The following OTOG variants were observed in gnomAD, a reference collection of about 807,000 sequenced individuals.
OTOG encodes the protein otogelin.
OTOG carries 296 observed loss-of-function variants against 313.8 expected under a neutral mutation model. The ratio of observed to expected loss-of-function variants is 0.94; its 90% CI spans 0.86 to 1.04. The LOEUF (loss-of-function observed/expected upper bound fraction) is 1.04. OTOG is among the 50% of genes least tolerant of loss of function. The pLI, the probability that OTOG is intolerant of heterozygous loss-of-function variation, is 0.00. For synonymous variants in OTOG, 1,533 were observed against 1,554.9 expected (o/e 0.99, Z 0.33); for missense variants, 3,948 against 3,840.1 (o/e 1.03, Z -0.74).
chr11:17,609,550 C>CA, intron 35 of OTOG, 105 bp from the exon 36 acceptor site: 1 of 1,068,112 alleles, frequency 9.4e-7, no homozygotes, highest in Non-Finnish European at 1.3e-6. Flanking sequence ...CTCACCCCAT[C>CA]ACCGAGAGTG....
intron 26 of OTOG, 71 bp downstream of exon 26, chr11:17,593,398 G>A (rs1392518504): frequency 6.6e-7 from 1 of 1,515,336 alleles, no homozygotes; most frequent in Non-Finnish European, 8.9e-7. Context: ...GAAGAGGGCT[G>A]AGGACTGGCT....
At chr11:17,612,795 G>T (rs1403475292) in intron 38 of OTOG, 30 bp downstream of exon 38, 1 of 1,546,010 alleles carries the variant, frequency 6.5e-7, no homozygotes. Flanking sequence ...CTCCCTGCTG[G>T]GGACTAGGAA....
At chr11:17,629,052 A>G in intron 39 of OTOG, 81 bp from the exon 40 acceptor site, 1 of 1,335,716 alleles carries the variant, frequency 7.5e-7, no homozygotes. Flanking sequence ...GGATGGATGA[A>G]TGGATGGACG....
chr11:17,591,470 T>A lies in OTOG; in HGVS notation c.2888T>A (p.Phe963Tyr). 1 of 1,550,720 alleles carries A rather than the reference T, an allele frequency of 6.4e-7. No individual in the cohort carries two copies. The highest frequency in any genetic ancestry group is 1.4e-5 in the African/African-American group (1 of 73,182). ...CHTCVCQRGS[F>Y]QCTLHPCAST... Reference sequence around the variant, plus strand: ...TTCAGTGTGTGCCAGCGGGGCTCATTCCAGTGCACCCTGCACCCTTGCGCC... The same window carrying A: ...TTCAGTGTGTGCCAGCGGGGCTCATACCAGTGCACCCTGCACCCTTGCGCC... Residue 963 changes from phenylalanine to tyrosine, a missense_variant, in exon 25 of 56, where the codon TTC (phenylalanine) becomes TAC (tyrosine). Physicochemically the swap from Phe to Tyr is conservative, Grantham distance 22. Transcript: ENST00000399397.
At chr11:17,589,812 T>C (rs971858437) in intron 24 of OTOG, among the ~76,000 whole-genome samples, 9 of 152,234 alleles carry the variant, frequency 5.9e-5, no homozygotes, top group Admixed American at 2.0e-4. Context: ...AGTAACTTCA[T>C]ATTGCCATAT....
At chr11:17,603,423 T>C (rs1306695984) in intron 32 of OTOG, among the ~76,000 whole-genome samples, 6 of 152,120 alleles carry the variant, frequency 3.9e-5, no homozygotes, top group African/African-American at 1.4e-4. Flanking sequence ...ATCTAGTAGG[T>C]AATGTGTAGT....
At position 17,605,917 on chromosome 11, in the gene OTOG, C is replaced by G. The variant is rs745773947; in HGVS notation, c.3938C>G (p.Ala1313Gly). Residue 1313 changes from alanine (A) to glycine (G), a missense_variant, in exon 33 of 56, where the codon GCC becomes GGC. Transcript: ENST00000399397. ...DRPNFFLHVT[A>G]NGSLELAKWQ... Reference sequence around the variant, plus strand: ...CCCAACTTCTTCCTTCACGTCACAGCCAACGGGTCTCTGGAGCTGGCTAAG... The same window carrying G: ...CCCAACTTCTTCCTTCACGTCACAGGCAACGGGTCTCTGGAGCTGGCTAAG... 73 of 1,550,508 alleles carry G rather than the reference C, an allele frequency of 4.7e-5. 1 individual carries two copies. In the South Asian group the frequency reaches 8.4e-4, roughly 18 times the overall value.
intron 49 of OTOG, among the ~76,000 whole-genome samples, chr11:17,640,053 T>C (rs1040506164): frequency 3.3e-5 from 5 of 151,946 alleles, no homozygotes; most frequent in African/African-American, 1.2e-4. Flanking sequence ...GTGAGGATGA[T>C]GGTGGTGGTG....
At chr11:17,558,092 T>C in intron 8 of OTOG, 93 bp from the exon 9 acceptor site, 1 of 1,440,148 alleles carries the variant, frequency 6.9e-7, no homozygotes, top group South Asian at 1.3e-5. Flanking sequence ...TCCTTACCCA[T>C]CCCTTGGGAT....
chr11:17,559,651 A>G lies in OTOG; in HGVS notation c.1331A>G (p.Tyr444Cys), dbSNP rs1852135762. 8 of 1,550,522 alleles carry G rather than the reference A, an allele frequency of 5.2e-6. No homozygotes were observed. The highest frequency in any genetic ancestry group is 1.2e-5 in the South Asian group (1 of 84,052). The change falls in exon 12 of 56, where the codon TAT (tyrosine) becomes TGT (cysteine). Residue 444 changes from tyrosine to cysteine, a missense_variant. Transcript: ENST00000399397. ...GAGATCGCCTGTGTGGACGGCTGCT[A>G]TTGCCCCAATGGTATGCTAGGGGCA... ...DSEIACVDGC[Y>C]CPNGLIFEDG...
At chr11:17,605,178 A>AT (rs1853351989) in intron 32 of OTOG, among the ~76,000 whole-genome samples, 1 of 152,264 alleles carries the variant, frequency 6.6e-6, no homozygotes, top group South Asian at 2.1e-4. Flanking sequence ...GAGGAGACCC[A>AT]TAAGGCCCTG....
chr11:17,638,989 G>A (rs1293094987), intron 48 of OTOG: 3 of 369,770 alleles, frequency 8.1e-6, no homozygotes, highest in Admixed American at 3.7e-5. Flanking sequence ...GAGGGTGGAC[G>A]TTGCAGTGAG....
At chr11:17,583,900 G>T (rs1359374389) in intron 23 of OTOG, among the ~76,000 whole-genome samples, 1 of 152,108 alleles carries the variant, frequency 6.6e-6, no homozygotes, top group East Asian at 1.9e-4. Context: ...ATCAATTTGG[G>T]GAGAATTGGC....
chr11:17,641,656 C>T (rs1456459971), intron 51 of OTOG, among the ~76,000 whole-genome samples, 191 bp from the exon 52 acceptor site: 3 of 152,148 alleles, frequency 2.0e-5, no homozygotes, highest in Non-Finnish European at 4.4e-5. Flanking sequence ...ATGCTCTTTG[C>T]TGTAAGGGAG....
Position 17,555,873 on chromosome 11 carries a change from A to C in OTOG, c.635A>C (p.Lys212Thr). ...GGTGAGCAGGAGATCCATCTGGCCAAGGAGGTCACCCATGGAGGCATGAGG... is the reference window on the plus strand; with the variant it reads ...GGTGAGCAGGAGATCCATCTGGCCACGGAGGTCACCCATGGAGGCATGAGG... ...FVGEQEIHLA[K>T]EVTHGGMRVQ... The change falls in exon 7 of 56, where the codon AAG (lysine) becomes ACG (threonine). Residue 212 changes from lysine (K) to threonine (T), a missense_variant. Physicochemically the swap from Lys to Thr is moderately conservative, Grantham distance 78. Coordinates refer to ENST00000399397, the MANE Select transcript of OTOG (RefSeq NM_001292063.2). The C allele has an allele frequency of 6.4e-7, 1 of 1,551,102 alleles. No individual in the cohort carries two copies. The highest frequency in any genetic ancestry group is 1.2e-5 in the South Asian group (1 of 84,064).
At chr11:17,575,945 C>T (rs1852513609) in intron 20 of OTOG, among the ~76,000 whole-genome samples, 1 of 152,200 alleles carries the variant, frequency 6.6e-6, no homozygotes, top group African/African-American at 2.4e-5. Context: ...TCGGCAGGTT[C>T]TGTGGGAGCT....
chr11:17,570,178 C>A, intron 16 of OTOG, 35 bp from the exon 17 acceptor site: 1 of 1,534,728 alleles, frequency 6.5e-7, no homozygotes, highest in East Asian at 2.5e-5. Flanking sequence ...GTACTGGCTG[C>A]CCTCCCACTC....
Position 17,609,170 on chromosome 11 carries a change from C to T in OTOG, c.4315C>T (p.Leu1439=), listed in dbSNP as rs1853463393. 3 of 1,550,572 alleles carry T rather than the reference C, an allele frequency of 1.9e-6. No individual in the cohort carries two copies. The highest frequency in any genetic ancestry group is 2.6e-6 in the Non-Finnish European group (3 of 1,146,934). ...CCCTGTGTGCCCCACCCCCCAGGTC[C>T]TGGATGAAGTCACACAGAGATGTGT... is the stretch of plus-strand genomic sequence containing the variant. ...CVPVCPTPQV[L]DEVTQRCVYL... Residue 1439 remains leucine (L), a synonymous_variant, in exon 35 of 56, where the codon CTG becomes TTG. Transcript: ENST00000399397.
chr11:17,605,972 T>A lies in OTOG; in HGVS notation c.3993T>A (p.His1331Gln), dbSNP rs1853375926. 1 of 1,550,502 alleles carries A rather than the reference T, an allele frequency of 6.4e-7. No homozygotes were observed. The highest frequency in any genetic ancestry group is 2.0e-5 in the Admixed American group (1 of 50,982). The change falls in exon 33 of 56, where the codon CAT becomes CAA. Residue 1331 changes from histidine (H) to glutamine (Q), a missense_variant. By Grantham distance (24) the His-to-Gln change is conservative (BLOSUM62 0). Coordinates refer to ENST00000399397, the MANE Select transcript of OTOG (RefSeq NM_001292063.2). ...KWQGRDTFQQHASFLLHRGTR... is the reference protein window; with the variant it reads ...KWQGRDTFQQQASFLLHRGTR... ...AGGGCCGTGACACCTTCCAACAGCA[T>A]GCCTCCTTCTTGCTGCACCGGGGGA...
Sources: gnomAD v4.1 joint callset for allele counts (sites outside exome capture counted in the v4.1 genomes callset) on GRCh38, gnomAD v4.1.1 for gene constraint, MANE v1.5 for transcripts, NCBI Gene and HGNC (gene_info 2026-07-23, HGNC 2026-07-21) for gene names.